The following SLC26A8 variants were observed in gnomAD, a reference collection of about 807,000 sequenced individuals.
SLC26A8 encodes the protein solute carrier family 26 member 8, also known as testis anion transporter 1.
SLC26A8 carries 70 observed loss-of-function variants against 105.0 expected under a neutral mutation model. The ratio of observed to expected loss-of-function variants is 0.67; its 90% CI spans 0.55 to 0.81. The LOEUF is 0.81. Ranked by LOEUF, SLC26A8 falls within the 40% of genes least tolerant of loss-of-function variation. The pLI is 0.00. For synonymous variants in SLC26A8, 415 were observed against 438.3 expected, an observed-to-expected ratio of 0.95 and a Z score of 0.66; for missense variants, 998 against 1,181.8, an observed-to-expected ratio of 0.84 and a Z score of 2.28.
intron 17 of SLC26A8, among the ~76,000 whole-genome samples, chr6:35,953,883 G>T (rs1771963045): frequency 6.6e-6 from 1 of 152,172 alleles, no homozygotes; most frequent in African/African-American, 2.4e-5. Context: ...AGAGAAGCTG[G>T]ACTCACTTAA....
rs760888170 is a variant in SLC26A8, at chr6:35,951,398, G to A, written c.2287+47C>T. ...CAATGTCAGATACTTGGGGAGCAGA[G>A]GACCCAGGGTGCAAAACAGCCCTCT... is the stretch of plus-strand genomic sequence containing the variant. On this transcript the variant is annotated intron_variant, in intron 18 of 19. Coordinates refer to ENST00000490799, the MANE Select transcript of SLC26A8 (RefSeq NM_052961.4). The A allele has an allele frequency of 3.1e-6, 5 of 1,614,022 alleles. No homozygotes were observed. The East Asian group carries it at 8.9e-5, about 29-fold the overall frequency.
chr6:35,943,790 G>A lies in SLC26A8; in HGVS notation c.*110C>T. On this transcript the variant is annotated 3_prime_UTR_variant, in exon 20 of 20. Coordinates refer to ENST00000490799, the MANE Select transcript of SLC26A8 (RefSeq NM_052961.4). ...TGGCAGGTAGTAGGAGTCACAGTCA[G>A]GAAGGAAGTACTGCTAGTTCGTATC... is the stretch of plus-strand genomic sequence containing the variant. The A allele has an allele frequency of 6.8e-7, 1 of 1,469,954 alleles. No individual in the cohort carries two copies. The allele number at this position is 1,469,954 out of a possible 1,614,324, so 91.1% of individuals were successfully genotyped here.
intron 11 of SLC26A8, among the ~76,000 whole-genome samples, chr6:35,965,682 C>CAAAA (rs1293607391): frequency 1.2e-4 from 8 of 68,864 alleles, no homozygotes; most frequent in Admixed American, 3.2e-4. Flanking sequence ...AACTCCATCT[C>CAAAA]AAAAAAAAAA....
intron 4 of SLC26A8, among the ~76,000 whole-genome samples, chr6:35,999,791 G>A (rs2127356761): frequency 6.6e-6 from 1 of 152,222 alleles, no homozygotes; most frequent in Non-Finnish European, 1.5e-5. Context: ...ACATCTTGCT[G>A]GCCTGTTTTC....
intron 4 of SLC26A8, among the ~76,000 whole-genome samples, chr6:35,998,915 A>G (rs1328583341): frequency 6.6e-6 from 1 of 152,132 alleles, no homozygotes; most frequent in African/African-American, 2.4e-5. Context: ...TTATTTTGAG[A>G]CGGAGTTTCG....
Position 35,992,586 on chromosome 6 carries a change from T to G in SLC26A8, c.716A>C (p.His239Pro). Reference sequence around the variant, plus strand: ...GAAAGTCAGCTGGGACAGCATGATATGAAGTGCCACAGCAGCCAGGTAAGC... The same window carrying G: ...GAAAGTCAGCTGGGACAGCATGATAGGAAGTGCCACAGCAGCCAGGTAAGC... The part of the protein sequence containing the change: ...MSAYLAAVAL[H>P]IMLSQLTFIF... Residue 239 changes from histidine to proline, a missense_variant, in exon 6 of 20, where the codon CAT becomes CCT. Transcript: ENST00000490799. 2 of 1,614,146 alleles carry G rather than the reference T, an allele frequency of 1.2e-6. No individual in the cohort carries two copies. The highest frequency in any genetic ancestry group is 1.7e-6 in the Non-Finnish European group (2 of 1,180,016).
intron 3 of SLC26A8, among the ~76,000 whole-genome samples, chr6:36,004,183 G>A (rs979762094): frequency 6.8e-6 from 1 of 147,866 alleles, no homozygotes; most frequent in Non-Finnish European, 1.5e-5. Context: ...TCAGGGAATC[G>A]TCCCACTTCA....
chr6:35,958,973 C>T (rs556023156), intron 16 of SLC26A8, among the ~76,000 whole-genome samples: 11 of 152,256 alleles, frequency 7.2e-5, no homozygotes, highest in South Asian at 2.1e-4. Context: ...TCATCCTCCC[C>T]GCTCCTTTCC....
intron 2 of SLC26A8, among the ~76,000 whole-genome samples, chr6:36,017,205 G>GGAAA (rs1327020511): frequency 1.1e-5 from 1 of 93,102 alleles, no homozygotes; most frequent in Non-Finnish European, 2.3e-5. Flanking sequence ...ATGGAAGGAA[G>GGAAA]GAAGGAGAAA....
intron 2 of SLC26A8, among the ~76,000 whole-genome samples, chr6:36,016,651 T>C (rs1762002306): frequency 6.6e-6 from 1 of 152,232 alleles, no homozygotes; most frequent in South Asian, 2.1e-4. Flanking sequence ...GTTTTCCTTA[T>C]AATCCTGCTT....
chr6:35,954,521 T>C (rs1452566147), intron 17 of SLC26A8, among the ~76,000 whole-genome samples: 1 of 152,186 alleles, frequency 6.6e-6, no homozygotes, highest in African/African-American at 2.4e-5. Flanking sequence ...ACTCCCAGGA[T>C]GTTCTGGGAG....
At chr6:35,973,366 T>C (rs1428061786) in intron 10 of SLC26A8, among the ~76,000 whole-genome samples, 1 of 152,146 alleles carries the variant, frequency 6.6e-6, no homozygotes. Flanking sequence ...AAAAGGCCAA[T>C]GTGTCCGGAA....
At chr6:35,994,359 C>T (rs1354071285) in intron 5 of SLC26A8, among the ~76,000 whole-genome samples, 1 of 151,950 alleles carries the variant, frequency 6.6e-6, no homozygotes, top group African/African-American at 2.4e-5. Context: ...TGTGATCCGC[C>T]CGCCTCGGCC....
At chr6:35,947,867 G>C (rs1771729792) in intron 19 of SLC26A8, among the ~76,000 whole-genome samples, 1 of 152,182 alleles carries the variant, frequency 6.6e-6, no homozygotes. Flanking sequence ...AGAGGCCGAG[G>C]CTGTGGTGCA....
intron 14 of SLC26A8, 128 bp downstream of exon 14, chr6:35,960,715 C>A: frequency 1.2e-6 from 1 of 865,382 alleles, no homozygotes; most frequent in Non-Finnish European, 1.8e-6. Flanking sequence ...ACATCACATC[C>A]CCCTCCTTTG....
At chr6:35,966,794 T>C (rs1036939158) in intron 11 of SLC26A8, among the ~76,000 whole-genome samples, 2 of 152,196 alleles carry the variant, frequency 1.3e-5, no homozygotes, top group African/African-American at 4.8e-5. Context: ...TCACAACTGC[T>C]CACTCAGAAA....
intron 1 of SLC26A8, among the ~76,000 whole-genome samples, chr6:36,022,431 T>C (rs1367500595): frequency 6.6e-6 from 1 of 152,214 alleles, no homozygotes; most frequent in Non-Finnish European, 1.5e-5. Context: ...TCAATTATAC[T>C]AGCTAGATTT....
At chr6:35,967,739 T>A (rs1319280882) in intron 11 of SLC26A8, among the ~76,000 whole-genome samples, 1 of 152,240 alleles carries the variant, frequency 6.6e-6, no homozygotes, top group Admixed American at 6.5e-5. Context: ...CAAGCCCATG[T>A]TGGTGTGGCT....
chr6:35,956,140 G>T (rs566403433), intron 16 of SLC26A8, among the ~76,000 whole-genome samples: 1 of 152,264 alleles, frequency 6.6e-6, no homozygotes, highest in South Asian at 2.1e-4. Context: ...CAGTGAGCCT[G>T]TAGCCCCACC....
Sources: gnomAD v4.1 joint callset for allele counts (sites outside exome capture counted in the v4.1 genomes callset) on GRCh38, gnomAD v4.1.1 for gene constraint, MANE v1.5 for transcripts, NCBI Gene and HGNC (gene_info 2026-07-23, HGNC 2026-07-21) for gene names.